Variants in STK32B observed in about 807,000 individuals in gnomAD.
STK32B encodes the protein serine/threonine kinase 32B.
In STK32B, 43 loss-of-function variants were observed where a neutral mutation model predicts 52.6. That is an observed-to-expected ratio of 0.82 (90% CI 0.64 to 1.05). The LOEUF (loss-of-function observed/expected upper bound fraction) is 1.05, where lower values mean the gene tolerates loss of function less well. STK32B is among the 50% of genes least tolerant of loss of function. The probability of loss-of-function intolerance (pLI) is 0.00; values close to 1 mark genes in which losing one functional copy is unlikely to be tolerated. For missense variants in STK32B, 621 were observed against 534.6 expected (o/e 1.16, Z -1.59); for synonymous variants, 238 against 204.3 (o/e 1.17, Z -1.41).
chr4:5,409,973 G>A (rs1711522568), intron 5 of STK32B, among the ~76,000 whole-genome samples: 1 of 152,280 alleles, frequency 6.6e-6, no homozygotes, highest in East Asian at 1.9e-4. Flanking sequence ...GCTTGGATAA[G>A]CTAGTGCCAT....
intron 3 of STK32B, among the ~76,000 whole-genome samples, chr4:5,206,146 C>G (rs1469640546): frequency 6.6e-6 from 1 of 152,148 alleles, no homozygotes; most frequent in South Asian, 2.1e-4. Context: ...AGTTATGGGT[C>G]ATAGTCAAAT....
intron 1 of STK32B, among the ~76,000 whole-genome samples, chr4:5,061,805 G>T (rs1286655396): frequency 6.6e-6 from 1 of 152,152 alleles, no homozygotes; most frequent in East Asian, 1.9e-4. Context: ...AGTTCCTGAT[G>T]TTCAGTGTTT....
chr4:5,373,596 C>G (rs930200377), intron 4 of STK32B, among the ~76,000 whole-genome samples: 1 of 152,184 alleles, frequency 6.6e-6, no homozygotes, highest in Non-Finnish European at 1.5e-5. Context: ...GAATCTCATC[C>G]AAACACCTGG....
At chr4:5,141,338 C>G (rs1360248286) in intron 2 of STK32B, among the ~76,000 whole-genome samples, 1 of 152,138 alleles carries the variant, frequency 6.6e-6, no homozygotes, top group Non-Finnish European at 1.5e-5. Flanking sequence ...CAGGCAAGTT[C>G]CAGGCAGAGG....
intron 3 of STK32B, among the ~76,000 whole-genome samples, chr4:5,325,149 G>T (rs923515809): frequency 6.6e-6 from 1 of 152,098 alleles, no homozygotes; most frequent in Non-Finnish European, 1.5e-5. Flanking sequence ...AATGCCTTCA[G>T]CCTACCTTGA....
chr4:5,209,906 T>C (rs1722803798), intron 3 of STK32B, among the ~76,000 whole-genome samples: 1 of 152,188 alleles, frequency 6.6e-6, no homozygotes, highest in African/African-American at 2.4e-5. Context: ...GCCTAGATTG[T>C]TTCCTCTATA....
chr4:5,133,047 C>T (rs1329838516), intron 1 of STK32B, among the ~76,000 whole-genome samples: 1 of 152,250 alleles, frequency 6.6e-6, no homozygotes, highest in Non-Finnish European at 1.5e-5. Flanking sequence ...ATCCACCTGC[C>T]TCAGCCTCCC....
Position 5,170,225 on chromosome 4 carries a change from G to A in STK32B, c.260+1775G>A, listed in dbSNP as rs141382965. ...TTAAGGTGGACTAAGAAGATCAGATGCCTAGTGGAGCTTGTATGATGTATG... is the reference window on the plus strand; with the variant it reads ...TTAAGGTGGACTAAGAAGATCAGATACCTAGTGGAGCTTGTATGATGTATG... On this transcript the variant is annotated intron_variant, in intron 3 of 11. Transcript: ENST00000282908. Among the ~76,000 whole-genome samples the A allele has an allele frequency of 1.8e-3, 279 of 152,306 alleles. 2 individuals carry two copies. The highest frequency in any genetic ancestry group is 6.1e-3 in the African/African-American group (254 of 41,572).
chr4:5,230,208 T>TTTTTTTTTTTTTTTTG (rs58022709), intron 3 of STK32B, among the ~76,000 whole-genome samples: 4 of 103,476 alleles, frequency 3.9e-5, no homozygotes, highest in African/African-American at 1.0e-4. Context: ...TTTTTTTTTT[T>TTTTTTTTTTTTTTTTG]TAGTGGAGTC....
chr4:5,412,171 G>A (rs1361181656), intron 5 of STK32B, among the ~76,000 whole-genome samples: 1 of 152,154 alleles, frequency 6.6e-6, no homozygotes, highest in African/African-American at 2.4e-5. Context: ...TACTCCATTA[G>A]CATTTGTATT....
chr4:5,463,209 A>G (rs1459623478), intron 9 of STK32B, among the ~76,000 whole-genome samples: 1 of 152,252 alleles, frequency 6.6e-6, no homozygotes, highest in East Asian at 1.9e-4. Flanking sequence ...TGCCAAACTC[A>G]GGGTGAGACT....
intron 4 of STK32B, among the ~76,000 whole-genome samples, chr4:5,342,578 A>C (rs1220382213): frequency 6.6e-6 from 1 of 152,202 alleles, no homozygotes; most frequent in Non-Finnish European, 1.5e-5. Flanking sequence ...AGCACCAAGG[A>C]GATGGTGCTA....
intron 1 of STK32B, 91 bp from the exon 2 acceptor site, chr4:5,139,814 A>G: frequency 1.4e-6 from 2 of 1,460,154 alleles, no homozygotes; most frequent in South Asian, 1.1e-5. Context: ...AGCCTTTGGA[A>G]TAGGTGGGTA....
chr4:5,087,626 A>T (rs879674750), intron 1 of STK32B, among the ~76,000 whole-genome samples: 9 of 152,000 alleles, frequency 5.9e-5, no homozygotes, highest in Non-Finnish European at 1.3e-4. Context: ...GCAATAATAA[A>T]CAAAATAGAA....
chr4:5,360,762 T>G (rs1367352432), intron 4 of STK32B, among the ~76,000 whole-genome samples: 3 of 152,086 alleles, frequency 2.0e-5, no homozygotes, highest in Admixed American at 6.5e-5. Context: ...ACCGAGATTG[T>G]GCCATTGCAC....
At chr4:5,359,649 A>G (rs1027831625) in intron 4 of STK32B, among the ~76,000 whole-genome samples, 1 of 152,246 alleles carries the variant, frequency 6.6e-6, no homozygotes, top group Non-Finnish European at 1.5e-5. Flanking sequence ...GCTGTATTAC[A>G]GAGACCAGAG....
At chr4:5,130,170 G>GGGGGGGGGGGGGGGGGC (rs1715663875) in intron 1 of STK32B, among the ~76,000 whole-genome samples, 1 of 148,268 alleles carries the variant, frequency 6.7e-6, no homozygotes, top group African/African-American at 2.5e-5. Flanking sequence ...ACCTTCTCCG[G>GGGGGGGGGGGGGGGGGC]CGGGGGGAGG....
At chr4:5,257,467 T>C (rs73081697) in intron 3 of STK32B, among the ~76,000 whole-genome samples, 17,830 of 152,178 alleles carry the variant, frequency 0.12, 2,864 homozygotes, top group African/African-American at 0.36. Context: ...CAGAACATGG[T>C]AGCTCCTCCC....
intron 6 of STK32B, among the ~76,000 whole-genome samples, chr4:5,425,569 C>A (rs1040189539): frequency 2.7e-5 from 4 of 150,926 alleles, no homozygotes; most frequent in Admixed American, 6.6e-5. Context: ...AGTATTCCTA[C>A]CCTCATTGGT....
Sources: gnomAD v4.1 joint callset for allele counts (sites outside exome capture counted in the v4.1 genomes callset) on GRCh38, gnomAD v4.1.1 for gene constraint, MANE v1.5 for transcripts, NCBI Gene and HGNC (gene_info 2026-07-23, HGNC 2026-07-21) for gene names.